The following GNB1 variants were observed in gnomAD, a reference collection of about 807,000 sequenced individuals.
The protein encoded by GNB1 is G protein subunit beta 1.
GNB1 carries 2 observed loss-of-function variants against 42.9 expected under a neutral mutation model. The observed-to-expected ratio is 0.05, with a 90% confidence interval of 0.02 to 0.15. The LOEUF (loss-of-function observed/expected upper bound fraction) is 0.15. GNB1 is among the 10% of genes least tolerant of loss of function. The pLI, the probability that GNB1 is intolerant of heterozygous loss-of-function variation, is 1.00. For missense variants in GNB1, 193 were observed against 462.2 expected (o/e 0.42, Z 5.34); for synonymous variants, 183 against 174.7 (o/e 1.05, Z -0.38).
chr1:1,805,647 TCTC>T (rs1483943928), intron 6 of GNB1, among the ~76,000 whole-genome samples: 1 of 151,744 alleles, frequency 6.6e-6, no homozygotes, highest in African/African-American at 2.4e-5. Flanking sequence ...CTCAAGCAAT[TCTC>T]CTGCTTCAGC....
intron 1 of GNB1, among the ~76,000 whole-genome samples, chr1:1,845,183 C>A (rs917628468): frequency 6.6e-6 from 1 of 152,132 alleles, no homozygotes. Context: ...CTAAAGACAT[C>A]ACGTTAATTT....
intron 1 of GNB1, among the ~76,000 whole-genome samples, chr1:1,866,087 C>T (rs533159003): frequency 2.0e-5 from 3 of 152,114 alleles, no homozygotes; most frequent in Non-Finnish European, 4.4e-5. Context: ...TACAGGCATG[C>T]ACCACCACGG....
intron 2 of GNB1, among the ~76,000 whole-genome samples, chr1:1,828,213 C>T (rs1041769260): frequency 1.3e-5 from 2 of 151,960 alleles, no homozygotes; most frequent in African/African-American, 2.4e-5. Flanking sequence ...CCCAGCTACT[C>T]GGGAGGCTGA....
chr1:1,829,716 C>T (rs1002604251), intron 2 of GNB1, among the ~76,000 whole-genome samples: 4 of 152,064 alleles, frequency 2.6e-5, no homozygotes, highest in South Asian at 4.2e-4. Flanking sequence ...GAAGGACAAA[C>T]GCCAATGCCA....
chr1:1,841,187 G>A (rs1557918913), intron 1 of GNB1, among the ~76,000 whole-genome samples: 2 of 151,622 alleles, frequency 1.3e-5, no homozygotes, highest in Non-Finnish European at 2.9e-5. Flanking sequence ...ACTGCACATG[G>A]CCACATTTAT....
intron 1 of GNB1, among the ~76,000 whole-genome samples, chr1:1,845,116 G>C (rs1256338982): frequency 6.6e-6 from 1 of 152,022 alleles, no homozygotes; most frequent in Non-Finnish European, 1.5e-5. Flanking sequence ...TTAGAGTTCA[G>C]TATCAATAAA....
In GNB1 at chr1:1,787,184, G is replaced by A; in HGVS notation, c.*10-131C>T. 1.6e-6 allele frequency: 1 copy of A among 611,506 alleles called. No homozygotes were observed. Among genetic ancestry groups the A allele is most frequent in the Middle Eastern group, 2.7e-4 (1 of 3,772 alleles). The allele number at this position is 611,506 out of a possible 1,614,324, so 37.9% of individuals were successfully genotyped here. On this transcript the variant is annotated intron_variant, in intron 11 of 11. Coordinates refer to ENST00000378609, the MANE Select transcript of GNB1 (RefSeq NM_002074.5). The surrounding 1 kb of genome is among the most constrained non-coding windows in gnomAD (Gnocchi z 4.4). ...TGAGGGCACGTGACTTCAGCTTTCT[G>A]TAAACGTTTCCCACAACACAATTCC...
intron 1 of GNB1, among the ~76,000 whole-genome samples, chr1:1,885,090 T>C (rs1282122552): frequency 2.6e-5 from 4 of 152,044 alleles, no homozygotes; most frequent in African/African-American, 9.7e-5. Context: ...AAATATTTTA[T>C]CTATGGCAAA....
chr1:1,885,955 T>C (rs1650130904), intron 1 of GNB1, among the ~76,000 whole-genome samples: 1 of 150,288 alleles, frequency 6.7e-6, no homozygotes, highest in Non-Finnish European at 1.5e-5. Context: ...TTTCCACTGA[T>C]TACCATGGCA....
rs1553207156 is a variant in GNB1, at chr1:1,880,594, A to AT, written c.-96+10225_-96+10226insA. On this transcript the variant is annotated intron_variant, in intron 1 of 11. Coordinates refer to ENST00000378609, the MANE Select transcript of GNB1 (RefSeq NM_002074.5). ...GAGAGAGACTCCATCTCAAAAAAAAAATATATATATATATGATGATGAAAA... is the reference window on the plus strand; with the variant it reads ...GAGAGAGACTCCATCTCAAAAAAAAATATATATATATATATGATGATGAAAA... 1.2e-3 allele frequency among the ~76,000 whole-genome samples: 180 copies of AT among 151,520 alleles called. 2 individuals carry two copies. Among genetic ancestry groups the AT allele is most frequent in the Non-Finnish European group, 1.9e-3 (127 of 67,868 alleles).
At chr1:1,825,141 G>T in intron 3 of GNB1, 1 of 386,300 alleles carries the variant, frequency 2.6e-6, no homozygotes, top group East Asian at 4.5e-5. Flanking sequence ...GATAAAGAAT[G>T]CAAAAGACAC....
chr1:1,817,773 GGT>G, intron 4 of GNB1, 62 bp downstream of exon 4: 1 of 1,164,418 alleles, frequency 8.6e-7, no homozygotes. Flanking sequence ...CGAGGCTCCA[GGT>G]GTGGGTGCCG....
At chr1:1,889,846 T>C (rs1477689741) in intron 1 of GNB1, among the ~76,000 whole-genome samples, 5 of 152,146 alleles carry the variant, frequency 3.3e-5, no homozygotes, top group Non-Finnish European at 5.9e-5. Flanking sequence ...CCGACAGCCC[T>C]GTGGAATTTT....
intron 4 of GNB1, 107 bp from the exon 5 acceptor site, chr1:1,815,969 C>T (rs1354030613): frequency 1.4e-6 from 1 of 694,588 alleles, no homozygotes; most frequent in Non-Finnish European, 2.6e-6. Context: ...CTACCTCTTC[C>T]CAGCCCTTCC....
intron 1 of GNB1, among the ~76,000 whole-genome samples, chr1:1,881,527 A>G (rs1649846579): frequency 6.6e-6 from 1 of 151,872 alleles, no homozygotes. Context: ...CCTCAGCCTA[A>G]TGAGTAGCTG....
chr1:1,870,678 C>T (rs1649198068), intron 1 of GNB1, among the ~76,000 whole-genome samples: 1 of 152,160 alleles, frequency 6.6e-6, no homozygotes, highest in African/African-American at 2.4e-5. Context: ...ATATAAAAAG[C>T]CATTTTAGCA....
intron 6 of GNB1, 92 bp from the exon 7 acceptor site, chr1:1,804,673 G>A (rs1009785542): frequency 1.3e-5 from 13 of 974,576 alleles, no homozygotes; most frequent in Non-Finnish European, 2.0e-5. Flanking sequence ...TCACTGCAAA[G>A]GAGGTAACAG....
chr1:1,831,511 C>T (rs1372337255), intron 2 of GNB1, among the ~76,000 whole-genome samples: 2 of 152,120 alleles, frequency 1.3e-5, no homozygotes, highest in South Asian at 2.1e-4. Context: ...TGCAATGGCG[C>T]GATCTCGGCT....
chr1:1,820,712 G>A (rs139861376), intron 3 of GNB1, among the ~76,000 whole-genome samples: 13 of 152,244 alleles, frequency 8.5e-5, no homozygotes, highest in Admixed American at 4.6e-4. Context: ...AACTTCCCCC[G>A]GTTAGTGTCC....
Sources: allele counts gnomAD v4.1 joint callset (sites outside exome capture counted in the v4.1 genomes callset), GRCh38; gene constraint gnomAD v4.1.1; non-coding constraint Gnocchi (gnomAD v3.1); transcripts MANE v1.5; gene names NCBI Gene and HGNC (gene_info 2026-07-23, HGNC 2026-07-21).